Variants in RUNX3 observed in about 807,000 individuals in gnomAD.
RUNX3 encodes the protein RUNX family transcription factor 3.
A neutral mutation model predicts 27.7 loss-of-function variants in RUNX3; 10 were observed. The ratio of observed to expected loss-of-function variants is 0.36; its 90% CI spans 0.22 to 0.61. RUNX3 has a LOEUF of 0.61. Ranked by LOEUF, RUNX3 falls within the 20% of genes least tolerant of loss-of-function variation. RUNX3 has a pLI of 0.72. For missense variants in RUNX3, 469 were observed against 629.5 expected (o/e 0.75, Z 2.73); for synonymous variants, 270 against 269.2 (o/e 1.00, Z -0.03).
rs1294766848 is a variant in RUNX3, at chr1:24,900,185, G to A, written c.*1937C>T. ...GCATGGAGAGGCCCCTTGGGTGCAGGGAGTCAGCAACTATTTTGAGGAGAT... is the reference window on the plus strand; with the variant it reads ...GCATGGAGAGGCCCCTTGGGTGCAGAGAGTCAGCAACTATTTTGAGGAGAT... On this transcript the variant is annotated 3_prime_UTR_variant, in exon 5 of 5. Coordinates refer to ENST00000308873, the MANE Select transcript of RUNX3 (RefSeq NM_004350.3). 6.6e-6 allele frequency: 1 copy of A among 152,382 alleles called. No homozygotes were observed. The highest frequency in any genetic ancestry group is 1.5e-5 in the Non-Finnish European group (1 of 68,076). 9.4% of individuals were successfully genotyped at this position (152,382 alleles called of 1,614,324 possible).
chr1:24,905,866 G>C (rs910477529), intron 4 of RUNX3, among the ~76,000 whole-genome samples: 26 of 152,238 alleles, frequency 1.7e-4, no homozygotes, highest in African/African-American at 6.3e-4. Flanking sequence ...GTGGGCGTGA[G>C]CACAGCGTGC....
rs1455004996 is a variant in RUNX3 at position 24,902,890 on chromosome 1, GC to G, written c.704-225del. On this transcript the variant is annotated intron_variant, in intron 4 of 4. Transcript: ENST00000308873. The surrounding 1 kb of genome is among the most constrained non-coding windows in gnomAD (Gnocchi z 9.2). Reference sequence around the variant, plus strand: ...TGGAGCGTGCCCCGGGCCAAGAGGGGCCATGGGAGCCCCCCCACAGCAGCAA... The same window carrying G: ...TGGAGCGTGCCCCGGGCCAAGAGGGGCATGGGAGCCCCCCCACAGCAGCAA... Among the ~76,000 whole-genome samples, 6 of 150,722 alleles carry G rather than the reference GC, an allele frequency of 4.0e-5. No individual in the cohort carries two copies. Among genetic ancestry groups the G allele is most frequent in the Non-Finnish European group, 9.0e-5 (6 of 66,922 alleles).
At chr1:24,918,611 T>C (rs1473656790) in intron 3 of RUNX3, among the ~76,000 whole-genome samples, 5 of 152,050 alleles carry the variant, frequency 3.3e-5, no homozygotes, top group African/African-American at 1.2e-4. Flanking sequence ...AGTCAGTCAT[T>C]CATTCATTCT....
rs563925217 is a variant in RUNX3 at position 24,916,199 on chromosome 1, G to A, written c.544+3041C>T. ...GAGGTGGCAAAACAGGAAAAAAGCC[G>A]GGAAAGGAAGTCCAGGAGCACAAAA... On this transcript the variant is annotated intron_variant, in intron 3 of 4. Transcript: ENST00000308873. This position sits in a 1 kb window ranked among gnomAD's most constrained non-coding sequence, Gnocchi z 4.8. 2.7e-4 allele frequency among the ~76,000 whole-genome samples: 41 copies of A among 152,330 alleles called. No individual in the cohort carries two copies. The highest frequency in any genetic ancestry group is 5.1e-4 in the Non-Finnish European group (35 of 68,030).
chr1:24,946,196 A>AT (rs1641601597), intron 2 of RUNX3, among the ~76,000 whole-genome samples: 2 of 152,244 alleles, frequency 1.3e-5, no homozygotes, highest in African/African-American at 4.8e-5. Flanking sequence ...AACAAAACAC[A>AT]TTTTTTTCTG....
At chr1:24,963,644 T>A (rs1642177815) in intron 2 of RUNX3, among the ~76,000 whole-genome samples, 1 of 152,088 alleles carries the variant, frequency 6.6e-6, no homozygotes, top group Admixed American at 6.5e-5. Flanking sequence ...GGACTCTTGA[T>A]CCCCAGTCTC....
In RUNX3 at chr1:24,902,771, C is replaced by A. The variant is rs1640586218; in HGVS notation, c.704-105G>T. 1 of 1,053,498 alleles carries A rather than the reference C, an allele frequency of 9.5e-7. No individual in the cohort carries two copies. Among genetic ancestry groups the A allele is most frequent in the African/African-American group, 1.6e-5 (1 of 62,776 alleles). The allele number at this position is 1,053,498 out of a possible 1,614,324, so 65.3% of individuals were successfully genotyped here. On this transcript the variant is annotated intron_variant, in intron 4 of 4. Transcript: ENST00000308873. This position sits in a 1 kb window ranked among gnomAD's most constrained non-coding sequence, Gnocchi z 9.2. ...GGTTCCCAAGGCCCATCTGGGGGAC[C>A]CCTAGTTCTAGACCTGGCTCTCCTC...
Position 24,912,139 on chromosome 1 carries a change from C to T in RUNX3, c.545-4722G>A, listed in dbSNP as rs552281642. Among the ~76,000 whole-genome samples, 20 of 152,332 alleles carry T rather than the reference C, an allele frequency of 1.3e-4. 1 individual carries two copies. In the East Asian group the frequency reaches 3.7e-3, roughly 28 times the overall value. The stretch of plus-strand genomic sequence containing the variant: ...GCCTCTTTCATTCGGTTACCCAGAG[C>T]AAGAGCTGCGTGGGGAGCTCTGGCT... On this transcript the variant is annotated intron_variant, in intron 3 of 4. Coordinates refer to ENST00000308873, the MANE Select transcript of RUNX3 (RefSeq NM_004350.3).
intron 2 of RUNX3, among the ~76,000 whole-genome samples, chr1:24,938,297 A>G (rs943519502): frequency 6.6e-6 from 1 of 152,178 alleles, no homozygotes; most frequent in Non-Finnish European, 1.5e-5. Context: ...TGTCTTCAAC[A>G]TTCTAGAATT....
At chr1:24,907,938 C>T (rs533153789) in intron 3 of RUNX3, among the ~76,000 whole-genome samples, 15 of 152,096 alleles carry the variant, frequency 9.9e-5, no homozygotes, top group African/African-American at 2.9e-4. Flanking sequence ...CTCTACAACA[C>T]GCGGTGATCT....
At chr1:24,954,469 A>G (rs546368070) in intron 2 of RUNX3, among the ~76,000 whole-genome samples, 1 of 152,318 alleles carries the variant, frequency 6.6e-6, no homozygotes, top group African/African-American at 2.4e-5. Context: ...GCTTATTTTC[A>G]GGCCTGGGCA....
intron 2 of RUNX3, among the ~76,000 whole-genome samples, chr1:24,957,340 C>T (rs1019282400): frequency 3.3e-5 from 3 of 90,030 alleles, no homozygotes; most frequent in South Asian, 9.5e-4. Flanking sequence ...ATTCGTTCAT[C>T]CATCCATCCA....
intron 2 of RUNX3, among the ~76,000 whole-genome samples, chr1:24,937,219 C>T (rs560884286): frequency 4.6e-5 from 7 of 152,212 alleles, no homozygotes; most frequent in African/African-American, 7.2e-5. Context: ...GCTTTCTGGC[C>T]TGTGACCCAT....
In RUNX3 at chr1:24,902,522, G is replaced by A. The variant is rs746774033; in HGVS notation, c.848C>T (p.Thr283Met). 11 of 1,596,530 alleles carry A rather than the reference G, an allele frequency of 6.9e-6. No homozygotes were observed. Among genetic ancestry groups the A allele is most frequent in the Admixed American group, 1.7e-5 (1 of 59,462 alleles). ...GCTGCTGATGCTCGTGCCCGAGGGC[G>A]TGGCGCTGTAGGGGAAGGCAGCTGA... is the stretch of plus-strand genomic sequence containing the variant. ...AMSAAFPYSA[T>M]PSGTSISSLS... Residue 283 changes from threonine to methionine, a missense_variant, in exon 5 of 5, where the codon ACG (threonine) becomes ATG (methionine). Coordinates refer to ENST00000308873, the MANE Select transcript of RUNX3 (RefSeq NM_004350.3). This position sits in a 1 kb window ranked among gnomAD's most constrained non-coding sequence, Gnocchi z 9.2.
upstream of RUNX3, among the ~76,000 whole-genome samples, chr1:24,933,552 A>G (rs1473381646): frequency 2.0e-5 from 3 of 152,022 alleles, no homozygotes; most frequent in Admixed American, 1.3e-4. Context: ...TGCTGTCCTG[A>G]TCCCTCAATT....
chr1:24,922,385 A>G (rs929960126), intron 2 of RUNX3, among the ~76,000 whole-genome samples: 1 of 151,770 alleles, frequency 6.6e-6, no homozygotes, highest in Non-Finnish European at 1.5e-5. Flanking sequence ...AAAAATTACA[A>G]TTGTATTGTC....
intron 4 of RUNX3, among the ~76,000 whole-genome samples, chr1:24,903,155 A>G (rs1640599688): frequency 6.6e-6 from 1 of 152,190 alleles, no homozygotes; most frequent in Non-Finnish European, 1.5e-5. Flanking sequence ...TGAAGACAAG[A>G]AAATGGAGGC....
chr1:24,918,516 A>C (rs763852588), intron 3 of RUNX3, among the ~76,000 whole-genome samples: 29 of 152,214 alleles, frequency 1.9e-4, no homozygotes, highest in Non-Finnish European at 2.8e-4. Context: ...CACCAAGCTG[A>C]AAATGCCTTG....
At chr1:24,961,216 G>A (rs568772768) in intron 2 of RUNX3, 82 of 152,416 alleles carry the variant, frequency 5.4e-4, no homozygotes, top group African/African-American at 1.9e-3. Context: ...GGACTCTCCA[G>A]GGGTCTGGAT....
Sources: gnomAD v4.1 joint callset for allele counts (sites outside exome capture counted in the v4.1 genomes callset) on GRCh38, gnomAD v4.1.1 for gene constraint, Gnocchi (gnomAD v3.1) non-coding constraint, MANE v1.5 for transcripts, NCBI Gene and HGNC (gene_info 2026-07-23, HGNC 2026-07-21) for gene names.